Variants in SEMA3A observed in about 807,000 individuals in gnomAD.
SEMA3A encodes the protein semaphorin 3A.
In SEMA3A, 29 loss-of-function variants were observed where a neutral mutation model predicts 97.9. The observed-to-expected ratio is 0.30, with a 90% CI of 0.22 to 0.40. The LOEUF is 0.40. Ranked by LOEUF, SEMA3A falls within the 10% of genes least tolerant of loss-of-function variation. SEMA3A has a pLI of 1.00. For missense variants in SEMA3A, 763 were observed against 951.3 expected (o/e 0.80, Z 2.60); for synonymous variants, 321 against 323.7 (o/e 0.99, Z 0.09).
Position 84,300,188 on chromosome 7 carries a change from A to T in SEMA3A, c.-83+7019T>A, listed in dbSNP as rs553189774. ...GAAAAAAAAACAAAATTAGTGGATCAATTAAAGAAGTCAAATATCATATTT... is the reference window on the plus strand; with the variant it reads ...GAAAAAAAAACAAAATTAGTGGATCTATTAAAGAAGTCAAATATCATATTT... On this transcript the variant is annotated intron_variant, in intron 3 of 3. Coordinates refer to the SEMA3A transcript ENST00000424555. 2.1e-4 allele frequency among the ~76,000 whole-genome samples: 31 copies of T among 149,064 alleles called. No individual in the cohort carries two copies. In the South Asian group the frequency reaches 6.4e-3, roughly 31 times the overall value.
At chr7:84,359,493 T>G (rs1461305412) in intron 2 of SEMA3A, among the ~76,000 whole-genome samples, 1 of 152,102 alleles carries the variant, frequency 6.6e-6, no homozygotes, top group Non-Finnish European at 1.5e-5. Flanking sequence ...TGAAGCCCAC[T>G]TGATCATGGT....
intron 4 of SEMA3A, among the ~76,000 whole-genome samples, chr7:84,104,995 T>C (rs1477815660): frequency 1.3e-5 from 2 of 152,136 alleles, no homozygotes; most frequent in Non-Finnish European, 2.9e-5. Context: ...CTCAGGTCCA[T>C]AGTGCAAATG....
chr7:83,984,509 A>G (rs1313344651), intron 13 of SEMA3A, among the ~76,000 whole-genome samples: 1 of 152,104 alleles, frequency 6.6e-6, no homozygotes, highest in East Asian at 1.9e-4. Context: ...TAAACAGTTC[A>G]GAAATAAGAT....
At chr7:84,096,953 T>C (rs540212141) in intron 4 of SEMA3A, among the ~76,000 whole-genome samples, 2 of 152,226 alleles carry the variant, frequency 1.3e-5, no homozygotes, top group South Asian at 2.1e-4. Flanking sequence ...TGTTTCCATA[T>C]TGCAGTTAGA....
chr7:84,444,929 T>C (rs1805369530), intron 1 of SEMA3A, among the ~76,000 whole-genome samples: 1 of 152,164 alleles, frequency 6.6e-6, no homozygotes, highest in South Asian at 2.1e-4. Context: ...ATTTCATCTT[T>C]CTTCACCCAA....
At chr7:84,447,088 A>C in intron 1 of SEMA3A, among the ~76,000 whole-genome samples, 1 of 152,146 alleles carries the variant, frequency 6.6e-6, no homozygotes, top group East Asian at 1.9e-4. Flanking sequence ...AGCAAAGTTG[A>C]AGCGAGCCCA....
chr7:84,316,432 C>T (rs566339740), intron 2 of SEMA3A, among the ~76,000 whole-genome samples: 1 of 151,908 alleles, frequency 6.6e-6, no homozygotes, highest in Non-Finnish European at 1.5e-5. Context: ...TCACAATGCA[C>T]AGAACAAATG....
At chr7:84,491,335 G>T (rs1451514863) in intron 1 of SEMA3A, among the ~76,000 whole-genome samples, 3 of 151,896 alleles carry the variant, frequency 2.0e-5, no homozygotes, top group African/African-American at 4.8e-5. Context: ...AATTAATAAT[G>T]GTTAAATTTA....
rs113649191 is a variant in SEMA3A, at chr7:84,072,761, A to G, written c.454-12203T>C. Among the ~76,000 whole-genome samples the G allele has an allele frequency of 1.0e-3, 156 of 152,268 alleles. 1 individual carries two copies. Among genetic ancestry groups the G allele is most frequent in the African/African-American group, 3.6e-3 (151 of 41,570 alleles). On this transcript the variant is annotated intron_variant, in intron 4 of 16. Transcript: ENST00000265362. ...ATAACAATAATACATTACAGACACT[A>G]TTACAGAGTTTATAAATTATTTGTT... is the stretch of plus-strand genomic sequence containing the variant.
chr7:84,051,913 A>T (rs1792675438), intron 5 of SEMA3A, among the ~76,000 whole-genome samples: 1 of 150,290 alleles, frequency 6.7e-6, no homozygotes, highest in African/African-American at 2.4e-5. Context: ...GAGAGTTTTT[A>T]GCATGAAGGG....
At chr7:84,148,127 C>T (rs1425672550) in intron 1 of SEMA3A, among the ~76,000 whole-genome samples, 1 of 152,056 alleles carries the variant, frequency 6.6e-6, no homozygotes, top group Non-Finnish European at 1.5e-5. Context: ...GTTGGCCAGG[C>T]TGGTCTCGAA....
Position 83,957,248 on chromosome 7 carries a change from T to C in SEMA3A, c.*4123A>G, listed in dbSNP as rs1788307495. On this transcript the variant is annotated 3_prime_UTR_variant, in exon 17 of 17. Transcript: ENST00000265362. Reference sequence around the variant, plus strand: ...AGGAAAGACTTGCTGGATTAGATGATGATAAGTCATCTCGCTCTGTTTCCT... The same window carrying C: ...AGGAAAGACTTGCTGGATTAGATGACGATAAGTCATCTCGCTCTGTTTCCT... 6.7e-6 allele frequency: 1 copy of C among 149,880 alleles called. No homozygotes were observed. Among genetic ancestry groups the C allele is most frequent in the Non-Finnish European group, 1.5e-5 (1 of 67,772 alleles). 9.3% of individuals were successfully genotyped at this position (149,880 alleles called of 1,614,324 possible).
intron 6 of SEMA3A, among the ~76,000 whole-genome samples, chr7:84,023,630 T>C (rs918786563): frequency 2.0e-5 from 3 of 152,134 alleles, no homozygotes; most frequent in African/African-American, 7.2e-5. Context: ...GCGGAACATA[T>C]AACCCCACTG....
chr7:84,161,270 A>G, intron 1 of SEMA3A, among the ~76,000 whole-genome samples: 1 of 151,930 alleles, frequency 6.6e-6, no homozygotes, highest in East Asian at 1.9e-4. Context: ...AGGCTGAGGC[A>G]GGAGAATCAC....
In SEMA3A at chr7:83,956,221, T is replaced by C. The variant is rs1030813295; in HGVS notation, c.*5150A>G. On this transcript the variant is annotated 3_prime_UTR_variant, in exon 17 of 17. Coordinates refer to ENST00000265362, the MANE Select transcript of SEMA3A (RefSeq NM_006080.3). The stretch of plus-strand genomic sequence containing the variant: ...CATTTTAATGCTATCTTTGCTGAAG[T>C]CTTGTTTGTGAGCCACCTTGCTTTT... The C allele has an allele frequency of 1.3e-5, 2 of 152,114 alleles. No individual in the cohort carries two copies. Among genetic ancestry groups the C allele is most frequent in the African/African-American group, 4.8e-5 (2 of 41,442 alleles). The allele number at this position is 152,114 out of a possible 1,614,324, so 9.4% of individuals were successfully genotyped here.
At chr7:83,969,366 C>A (rs115740475) in intron 15 of SEMA3A, among the ~76,000 whole-genome samples, 3,009 of 150,286 alleles carry the variant, frequency 0.02, 92 homozygotes, top group African/African-American at 0.069. Context: ...CAAAAAAAAT[C>A]TCTTTTTAGT....
intron 2 of SEMA3A, among the ~76,000 whole-genome samples, chr7:84,130,820 G>A (rs1385589527): frequency 6.6e-6 from 1 of 151,976 alleles, no homozygotes; most frequent in Non-Finnish European, 1.5e-5. Context: ...TTCATATTCA[G>A]CTTTCCAGCT....
intron 4 of SEMA3A, among the ~76,000 whole-genome samples, chr7:84,099,924 G>C (rs549222285): frequency 1.4e-4 from 22 of 152,076 alleles, no homozygotes; most frequent in Non-Finnish European, 2.9e-4. Flanking sequence ...TGGCAATAGT[G>C]GTTTTGTCTG....
chr7:84,346,324 T>G (rs1247713672), intron 2 of SEMA3A, among the ~76,000 whole-genome samples: 1 of 152,230 alleles, frequency 6.6e-6, no homozygotes, highest in African/African-American at 2.4e-5. Flanking sequence ...TTATCATTTG[T>G]GTATTCTCTA....
Sources: gnomAD v4.1 joint callset for allele counts (sites outside exome capture counted in the v4.1 genomes callset) on GRCh38, gnomAD v4.1.1 for gene constraint, MANE v1.5 for transcripts, NCBI Gene and HGNC (gene_info 2026-07-23, HGNC 2026-07-21) for gene names.